Variants in SMYD3 observed in about 807,000 individuals in gnomAD.
SMYD3 encodes the protein SET and MYND domain containing 3, also known as histone-lysine N-methyltransferase SMYD3.
Under a neutral mutation model 57.7 loss-of-function variants are expected in SMYD3, and 36 were observed. That is an observed-to-expected ratio of 0.62 (90% CI 0.48 to 0.82). The LOEUF (loss-of-function observed/expected upper bound fraction) is 0.82, where lower values mean the gene tolerates loss of function less well. Among genes scored for constraint, SMYD3 ranks in the 40% least tolerant of loss-of-function variants. The pLI, the probability that SMYD3 is intolerant of heterozygous loss-of-function variation, is 0.00. For missense variants in SMYD3, 515 were observed against 538.8 expected (o/e 0.96, Z 0.44); for synonymous variants, 211 against 195.0 (o/e 1.08, Z -0.68).
At chr1:245,915,438 T>G in intron 8 of SMYD3, 92 bp downstream of exon 8, 1 of 742,614 alleles carries the variant, frequency 1.3e-6, no homozygotes, top group Non-Finnish European at 2.4e-6. Context: ...TGAGGGTCAT[T>G]ACTTTTGGGT....
At chr1:246,110,801 T>C (rs2061222474) in intron 5 of SMYD3, among the ~76,000 whole-genome samples, 1 of 152,188 alleles carries the variant, frequency 6.6e-6, no homozygotes, top group African/African-American at 2.4e-5. Context: ...ACCCGGGATG[T>C]TTACCTCAGC....
chr1:246,266,439 GT>G (rs1245289570), intron 5 of SMYD3, among the ~76,000 whole-genome samples: 2 of 149,410 alleles, frequency 1.3e-5, no homozygotes, highest in Admixed American at 6.7e-5. Flanking sequence ...AGTATAGAAT[GT>G]TTTGGTATGC....
chr1:246,028,869 G>A (rs1303165049), intron 5 of SMYD3, among the ~76,000 whole-genome samples: 1 of 152,010 alleles, frequency 6.6e-6, no homozygotes, highest in Non-Finnish European at 1.5e-5. Context: ...ATATGGTACT[G>A]GTATAAAAAC....
At chr1:245,913,021 C>T (rs2055114656) in intron 8 of SMYD3, among the ~76,000 whole-genome samples, 1 of 152,084 alleles carries the variant, frequency 6.6e-6, no homozygotes, top group South Asian at 2.1e-4. Context: ...GGTATATACC[C>T]AAAGGATTAT....
At chr1:246,140,792 A>T (rs1032703887) in intron 5 of SMYD3, among the ~76,000 whole-genome samples, 1 of 152,042 alleles carries the variant, frequency 6.6e-6, no homozygotes, top group Non-Finnish European at 1.5e-5. Context: ...ATGGAGTCTC[A>T]CTATGTTGCC....
At chr1:246,351,254 G>A (rs1027416714) in intron 2 of SMYD3, among the ~76,000 whole-genome samples, 1 of 152,138 alleles carries the variant, frequency 6.6e-6, no homozygotes, top group Admixed American at 6.5e-5. Flanking sequence ...ACAATTTGAT[G>A]GAGTGCCTAA....
chr1:246,032,808 A>G (rs913759261), intron 5 of SMYD3, among the ~76,000 whole-genome samples: 7 of 152,226 alleles, frequency 4.6e-5, no homozygotes, highest in African/African-American at 7.2e-5. Context: ...ATACTTTAGC[A>G]GAGTCCTCAC....
At chr1:245,787,909 G>C (rs557194398) in intron 10 of SMYD3, among the ~76,000 whole-genome samples, 1 of 152,268 alleles carries the variant, frequency 6.6e-6, no homozygotes, top group South Asian at 2.1e-4. Context: ...GTCGACTTTC[G>C]AACTGGGCAT....
chr1:245,804,253 CACA>C (rs1456587407), intron 10 of SMYD3, among the ~76,000 whole-genome samples: 1 of 152,158 alleles, frequency 6.6e-6, no homozygotes, highest in Non-Finnish European at 1.5e-5. Flanking sequence ...CATGCATACA[CACA>C]CAATAGCACT....
intron 5 of SMYD3, among the ~76,000 whole-genome samples, chr1:246,107,138 T>G (rs768604001): frequency 7.0e-6 from 1 of 142,656 alleles, no homozygotes; most frequent in African/African-American, 2.7e-5. Flanking sequence ...ATACAAAAAA[T>G]TAGCCAGGCG....
chr1:246,187,865 T>C (rs1302565065), intron 5 of SMYD3, among the ~76,000 whole-genome samples: 1 of 152,056 alleles, frequency 6.6e-6, no homozygotes, highest in Non-Finnish European at 1.5e-5. Flanking sequence ...TGTGAGCACT[T>C]GTTGACGGAA....
At position 246,083,350 on chromosome 1, in the gene SMYD3, C is replaced by A. The variant is rs918417163; in HGVS notation, c.532-153413G>T. Among the ~76,000 whole-genome samples, 13 of 152,186 alleles carry A rather than the reference C, an allele frequency of 8.5e-5. No individual in the cohort carries two copies. In the South Asian group the frequency reaches 2.5e-3, roughly 29 times the overall value. On this transcript the variant is annotated intron_variant, in intron 5 of 11. Coordinates refer to ENST00000490107, the MANE Select transcript of SMYD3 (RefSeq NM_001167740.2). ...ATGTATATGCACATCAAAAGCACAGCACTTTTTTCTCTAACTTGTTTATGA... is the reference window on the plus strand; with the variant it reads ...ATGTATATGCACATCAAAAGCACAGAACTTTTTTCTCTAACTTGTTTATGA...
chr1:245,916,229 A>G (rs1349132422), intron 7 of SMYD3, among the ~76,000 whole-genome samples: 1 of 152,210 alleles, frequency 6.6e-6, no homozygotes, highest in Non-Finnish European at 1.5e-5. Flanking sequence ...CACTGATGGA[A>G]GCATTCAAAC....
At chr1:246,414,449 T>C (rs1450295701) in intron 1 of SMYD3, among the ~76,000 whole-genome samples, 1 of 152,186 alleles carries the variant, frequency 6.6e-6, no homozygotes, top group African/African-American at 2.4e-5. Flanking sequence ...AACCAAAGCC[T>C]GTCTCTTCTC....
At chr1:246,063,337 G>C (rs1392686368) in intron 5 of SMYD3, among the ~76,000 whole-genome samples, 3 of 152,088 alleles carry the variant, frequency 2.0e-5, no homozygotes, top group Non-Finnish European at 2.9e-5. Flanking sequence ...GTCTTTATTG[G>C]AGTTCAATCG....
chr1:245,814,848 G>GCAAGCA (rs2048704016), intron 10 of SMYD3, among the ~76,000 whole-genome samples: 2 of 148,532 alleles, frequency 1.3e-5, no homozygotes. Flanking sequence ...ACACATGCAC[G>GCAAGCA]CACACACACG....
intron 10 of SMYD3, among the ~76,000 whole-genome samples, chr1:245,787,858 A>C (rs192324464): frequency 6.6e-6 from 1 of 152,226 alleles, no homozygotes; most frequent in East Asian, 1.9e-4. Context: ...CGGAGAGTTG[A>C]GCTTCATGTG....
chr1:245,982,208 C>G (rs1023941058), intron 5 of SMYD3, among the ~76,000 whole-genome samples: 1 of 152,206 alleles, frequency 6.6e-6, no homozygotes, highest in African/African-American at 2.4e-5. Context: ...GATCACAGCT[C>G]ATTGCAGCCT....
intron 1 of SMYD3, among the ~76,000 whole-genome samples, chr1:246,433,533 C>T (rs1156694211): frequency 6.6e-6 from 1 of 152,070 alleles, no homozygotes; most frequent in Non-Finnish European, 1.5e-5. Context: ...TGCTGGCACG[C>T]GCCTGTAATC....
Sources: allele counts gnomAD v4.1 joint callset (sites outside exome capture counted in the v4.1 genomes callset), GRCh38; gene constraint gnomAD v4.1.1; transcripts MANE v1.5; gene names NCBI Gene and HGNC (gene_info 2026-07-23, HGNC 2026-07-21).